SUGCT: variants seen among roughly 807,000 people sequenced by gnomAD.
SUGCT encodes succinyl-CoA:glutarate CoA-transferase.
A neutral mutation model predicts 55.0 loss-of-function variants in SUGCT; 41 were observed. The ratio of observed to expected loss-of-function variants is 0.74; its 90% CI spans 0.58 to 0.97. The LOEUF is 0.97. Among genes scored for constraint, SUGCT ranks in the 50% least tolerant of loss-of-function variants. The pLI is 0.00. For synonymous variants in SUGCT, 187 were observed against 200.4 expected (o/e 0.93, Z 0.56); for missense variants, 568 against 547.8 (o/e 1.04, Z -0.37).
At chr7:40,412,064 G>A (rs1786727886) in intron 9 of SUGCT, among the ~76,000 whole-genome samples, 2 of 152,100 alleles carry the variant, frequency 1.3e-5, no homozygotes, top group Admixed American at 1.3e-4. Flanking sequence ...TCTTTCTTCG[G>A]CTGGGCATTC....
chr7:40,517,747 A>G (rs573752831), intron 12 of SUGCT, among the ~76,000 whole-genome samples: 1 of 152,118 alleles, frequency 6.6e-6, no homozygotes, highest in Non-Finnish European at 1.5e-5. Flanking sequence ...TGTTGTTTTT[A>G]ATAATGATTT....
intron 12 of SUGCT, among the ~76,000 whole-genome samples, chr7:40,655,554 G>A (rs1800977023): frequency 6.6e-6 from 1 of 152,150 alleles, no homozygotes; most frequent in Non-Finnish European, 1.5e-5. Flanking sequence ...TGAGTGTTAT[G>A]GAGGCGTCAG....
intron 9 of SUGCT, among the ~76,000 whole-genome samples, chr7:40,321,381 T>TCGG (rs1225128519): frequency 6.7e-6 from 1 of 148,490 alleles, no homozygotes; most frequent in African/African-American, 2.6e-5. Flanking sequence ...CCAGCCATTT[T>TCGG]TGTTTTACTT....
intron 12 of SUGCT, among the ~76,000 whole-genome samples, chr7:40,511,988 G>A (rs1053406776): frequency 6.6e-6 from 1 of 151,992 alleles, no homozygotes; most frequent in Admixed American, 6.6e-5. Flanking sequence ...CCACACAATT[G>A]TAGTTGATCC....
intron 6 of SUGCT, among the ~76,000 whole-genome samples, chr7:40,232,502 AAGTATAACC>A (rs1413916104): frequency 2.6e-5 from 4 of 152,174 alleles, no homozygotes; most frequent in Non-Finnish European, 1.5e-5. Flanking sequence ...TGACCTCCAA[AAGTATAACC>A]ATTAACAAGA....
chr7:40,592,810 G>A (rs529234076), intron 12 of SUGCT, among the ~76,000 whole-genome samples: 1 of 152,322 alleles, frequency 6.6e-6, no homozygotes, highest in African/African-American at 2.4e-5. Context: ...GAGGTAAAGA[G>A]AGATCTTCAT....
Position 40,447,105 on chromosome 7 carries a change from C to T in SUGCT, c.817-2182C>T, listed in dbSNP as rs550663277. On this transcript the variant is annotated intron_variant, in intron 9 of 13. Coordinates refer to ENST00000335693, the MANE Select transcript of SUGCT (RefSeq NM_001193313.2). ...CCCAGTATTCATTAACAATCACTCC[C>T]CATCTTCCCCCAGCTTCCACTGCTT... Among the ~76,000 whole-genome samples, 36 of 152,314 alleles carry T rather than the reference C, an allele frequency of 2.4e-4. No homozygotes were observed. The South Asian group carries it at 7.0e-3, about 30-fold the overall frequency.
In SUGCT at chr7:40,359,121, C is replaced by T. The variant is rs1038455042; in HGVS notation, c.816+42266C>T. On this transcript the variant is annotated intron_variant, in intron 9 of 13. Transcript: ENST00000335693. The stretch of plus-strand genomic sequence containing the variant: ...ATCAACTCAGAGGCATTTCTTATTC[C>T]AGCAGCATTAGCTTTATGTTCTGTC... 2.6e-5 allele frequency among the ~76,000 whole-genome samples: 4 copies of T among 152,142 alleles called. No homozygotes were observed. In the South Asian group the frequency reaches 6.2e-4, roughly 24 times the overall value.
chr7:40,627,883 TG>T (rs1799597398), intron 12 of SUGCT, among the ~76,000 whole-genome samples: 1 of 152,178 alleles, frequency 6.6e-6, no homozygotes, highest in Non-Finnish European at 1.5e-5. Flanking sequence ...GCTCTCTAAA[TG>T]TGTCTGGCAG....
chr7:40,981,153 G>A, the SUGCT span, among the ~76,000 whole-genome samples: 6 of 152,128 alleles, frequency 3.9e-5, no homozygotes, highest in Non-Finnish European at 8.8e-5. Context: ...TGAAACTTAC[G>A]TGGAGGCAGC....
rs1405530078 is a variant in SUGCT, at chr7:40,717,245, G to A, written c.1090-32189G>A. Among the ~76,000 whole-genome samples, 3 of 152,256 alleles carry A rather than the reference G, an allele frequency of 2.0e-5. No individual in the cohort carries two copies. In the East Asian group the frequency reaches 5.8e-4, roughly 29 times the overall value. Reference sequence around the variant, plus strand: ...AGCTAAAAGCAGGCTCTTGTCACACGACCAGGAAAGATTAGGCTCGCGGAC... The same window carrying A: ...AGCTAAAAGCAGGCTCTTGTCACACAACCAGGAAAGATTAGGCTCGCGGAC... On this transcript the variant is annotated intron_variant, in intron 12 of 13. Coordinates refer to ENST00000335693, the MANE Select transcript of SUGCT (RefSeq NM_001193313.2).
At chr7:40,728,495 G>A (rs1786723092) in intron 12 of SUGCT, among the ~76,000 whole-genome samples, 1 of 152,102 alleles carries the variant, frequency 6.6e-6, no homozygotes, top group South Asian at 2.1e-4. Context: ...TCCAGCCTGG[G>A]CAACAGAGGG....
chr7:40,384,744 C>T lies in SUGCT; in HGVS notation c.817-64543C>T, dbSNP rs575632493. ...ATTTTTGGTAGAGACGGGGTTTCAG[C>T]ATGTTGGCCAGGCTGGTTTTGAATG... On this transcript the variant is annotated intron_variant, in intron 9 of 13. Coordinates refer to ENST00000335693, the MANE Select transcript of SUGCT (RefSeq NM_001193313.2). Among the ~76,000 whole-genome samples the T allele has an allele frequency of 2.1e-3, 127 of 59,774 alleles. 1 individual carries two copies. Among genetic ancestry groups the T allele is most frequent in the African/African-American group, 5.2e-3 (123 of 23,822 alleles). 39.2% of individuals were successfully genotyped at this position (59,774 alleles called of 152,430 possible).
chr7:40,285,882 AT>A (rs1437863731), intron 8 of SUGCT, among the ~76,000 whole-genome samples: 48 of 152,288 alleles, frequency 3.2e-4, no homozygotes, highest in African/African-American at 1.1e-3. Flanking sequence ...TTCTAGATGA[AT>A]AATAGTTAAA....
intron 6 of SUGCT, among the ~76,000 whole-genome samples, chr7:40,220,951 T>C (rs1787985014): frequency 6.6e-6 from 1 of 152,220 alleles, no homozygotes; most frequent in Non-Finnish European, 1.5e-5. Context: ...TGAAGATGCA[T>C]TCACAGGACA....
At chr7:40,914,043 C>A in the SUGCT span, among the ~76,000 whole-genome samples, 1 of 149,606 alleles carries the variant, frequency 6.7e-6, no homozygotes, top group Non-Finnish European at 1.5e-5. Context: ...GCTGTTAAGT[C>A]AAGATTTTTT....
intron 1 of SUGCT, among the ~76,000 whole-genome samples, chr7:40,147,202 T>C (rs1050419644): frequency 6.6e-6 from 1 of 152,114 alleles, no homozygotes; most frequent in Non-Finnish European, 1.5e-5. Flanking sequence ...ACCTACTCTT[T>C]CTTCCCTAGA....
At chr7:41,036,806 T>C in the SUGCT span, among the ~76,000 whole-genome samples, 1 of 152,274 alleles carries the variant, frequency 6.6e-6, no homozygotes, top group East Asian at 1.9e-4. Context: ...CAAACTCCCT[T>C]CTAATCCCAG....
chr7:40,503,987 C>T (rs1391093486), intron 12 of SUGCT, among the ~76,000 whole-genome samples: 1 of 152,088 alleles, frequency 6.6e-6, no homozygotes. Flanking sequence ...GGGCAGAAGA[C>T]ATAAGATGCC....
Sources: allele counts gnomAD v4.1 joint callset (sites outside exome capture counted in the v4.1 genomes callset), GRCh38; gene constraint gnomAD v4.1.1; transcripts MANE v1.5; gene names NCBI Gene and HGNC (gene_info 2026-07-23, HGNC 2026-07-21).